Variants in ADAMTS18 observed in about 807,000 individuals in gnomAD.
The protein encoded by ADAMTS18 is A disintegrin and metalloproteinase with thrombospondin motifs 18.
A neutral mutation model predicts 165.9 loss-of-function variants in ADAMTS18; 157 were observed. That is an observed-to-expected ratio of 0.95 (90% CI 0.83 to 1.08). ADAMTS18 has a LOEUF of 1.08. Ranked by LOEUF, ADAMTS18 falls within the 50% of genes least tolerant of loss-of-function variation. The pLI is 0.00. For synonymous variants in ADAMTS18, 782 were observed against 578.2 expected (o/e 1.35, Z -5.06); for missense variants, 2,040 against 1,534.0 (o/e 1.33, Z -5.51).
At position 77,431,351 on chromosome 16, in the gene ADAMTS18, C is replaced by T; in HGVS notation, c.439G>A (p.Gly147Arg). ...GAGGAGCTGTCATTTCTGATAAATC[C>T]CTGATAGAAGCATTGCTGCACCTCG... ...KPEVQQCFYQ[G>R]FIRNDSSSSV... is the part of the protein sequence containing the mutation. The change falls in exon 3 of 23, where the codon GGA becomes AGA. Residue 147 changes from glycine (G) to arginine (R), a missense_variant. Physicochemically the swap from Gly to Arg is moderately radical, Grantham distance 125 (BLOSUM62 -2). Coordinates refer to ENST00000282849, the MANE Select transcript of ADAMTS18 (RefSeq NM_199355.4). 6.2e-7 allele frequency: 1 copy of T among 1,614,074 alleles called. No individual in the cohort carries two copies. The highest frequency in any genetic ancestry group is 8.5e-7 in the Non-Finnish European group (1 of 1,180,022).
chr16:77,293,070 C>A lies in ADAMTS18; in HGVS notation c.3189+6G>T. 6.2e-7 allele frequency: 1 copy of A among 1,614,024 alleles called. No individual in the cohort carries two copies. The highest frequency in any genetic ancestry group is 8.5e-7 in the Non-Finnish European group (1 of 1,179,972). ...TCCTGACCCAGCAGTGACTTCTAAT[C>A]CATACCTCGCTCCACGAAGAAGCGA... On this transcript the variant is annotated splice_donor_region_variant and intron_variant, in intron 20 of 22. Transcript: ENST00000282849.
intron 16 of ADAMTS18, among the ~76,000 whole-genome samples, chr16:77,315,506 C>A (rs1434582711): frequency 6.6e-6 from 1 of 152,188 alleles, no homozygotes; most frequent in African/African-American, 2.4e-5. Context: ...TGTGGGTGTG[C>A]AGGTGCAGGG....
intron 3 of ADAMTS18, among the ~76,000 whole-genome samples, chr16:77,411,552 A>G (rs1398573039): frequency 6.6e-6 from 1 of 152,170 alleles, no homozygotes; most frequent in Non-Finnish European, 1.5e-5. Context: ...GCACATGACT[A>G]AATGTGAAAA....
chr16:77,416,135 T>C (rs1357848023), intron 3 of ADAMTS18, among the ~76,000 whole-genome samples: 1 of 152,076 alleles, frequency 6.6e-6, no homozygotes, highest in Non-Finnish European at 1.5e-5. Flanking sequence ...GGGAAGACCA[T>C]TCTGGAATGA....
At chr16:77,381,399 C>T (rs12600212) in intron 3 of ADAMTS18, among the ~76,000 whole-genome samples, 123,662 of 152,118 alleles carry the variant, frequency 0.81, 50,472 homozygotes, top group East Asian at 0.89. Flanking sequence ...CCTAGCCTCC[C>T]GCCAAGTACC....
intron 3 of ADAMTS18, among the ~76,000 whole-genome samples, chr16:77,381,467 C>A (rs1466535506): frequency 6.6e-6 from 1 of 152,146 alleles, no homozygotes; most frequent in Non-Finnish European, 1.5e-5. Flanking sequence ...CAAGTAAACT[C>A]AGGTCATTCT....
rs544406102 is a variant in ADAMTS18 at position 77,400,421 on chromosome 16, G to T, written c.495+30874C>A. On this transcript the variant is annotated intron_variant, in intron 3 of 22. Transcript: ENST00000282849. The stretch of plus-strand genomic sequence containing the variant: ...CCCAGTGAACATCCTATTTCAGGGG[G>T]AATTGTGTGTGTGTGTGTGTGTGTG... 2.6e-3 allele frequency among the ~76,000 whole-genome samples: 376 copies of T among 143,836 alleles called. 1 individual carries two copies. The highest frequency in any genetic ancestry group is 9.3e-3 in the African/African-American group (357 of 38,290). The allele number at this position is 143,836 out of a possible 152,430, so 94.4% of individuals were successfully genotyped here.
chr16:77,288,841 G>A (rs1226139805), intron 22 of ADAMTS18, among the ~76,000 whole-genome samples: 2 of 152,156 alleles, frequency 1.3e-5, no homozygotes, highest in African/African-American at 2.4e-5. Flanking sequence ...GGCTGGGCAT[G>A]TGGCTTGTGA....
intron 3 of ADAMTS18, among the ~76,000 whole-genome samples, chr16:77,405,823 G>A (rs2057386794): frequency 6.6e-6 from 1 of 152,014 alleles, no homozygotes; most frequent in South Asian, 2.1e-4. Flanking sequence ...TTCTTATAAA[G>A]ACACACTGGT....
chr16:77,397,068 C>A (rs954295343), intron 3 of ADAMTS18, among the ~76,000 whole-genome samples: 1 of 152,168 alleles, frequency 6.6e-6, no homozygotes, highest in Non-Finnish European at 1.5e-5. Flanking sequence ...CTCAGCCTCC[C>A]AAAGTGCTGG....
At position 77,282,897 on chromosome 16, in the gene ADAMTS18, T is replaced by C. The variant is rs1202347134; in HGVS notation, c.*1059A>G. The stretch of plus-strand genomic sequence containing the variant: ...TTTTTATTACCACTGTTTACTCCTT[T>C]CTTTCTCTCTTTTTTTTTTTTTTTT... On this transcript the variant is annotated 3_prime_UTR_variant, in exon 23 of 23. Coordinates refer to ENST00000282849, the MANE Select transcript of ADAMTS18 (RefSeq NM_199355.4). 1.9e-5 allele frequency: 2 copies of C among 103,350 alleles called. No homozygotes were observed. Among genetic ancestry groups the C allele is most frequent in the Admixed American group, 2.1e-4 (2 of 9,516 alleles). 6.4% of individuals were successfully genotyped at this position (103,350 alleles called of 1,614,324 possible). A position where few individuals can be genotyped will look rare whatever the true frequency, so the allele number is the denominator to read the frequency against.
At position 77,291,415 on chromosome 16, in the gene ADAMTS18, G is replaced by T; in HGVS notation, c.3253C>A (p.Gln1085Lys). The part of the protein sequence containing the change: ...REMKCSEKGF[Q>K]GKLITFPERR... Reference sequence around the variant, plus strand: ...TCTGGGAAAGTTATCAGCTTTCCCTGGAAGCCCTTCTCGCTGCACTTCATC... The same window carrying T: ...TCTGGGAAAGTTATCAGCTTTCCCTTGAAGCCCTTCTCGCTGCACTTCATC... Residue 1085 changes from glutamine to lysine, a missense_variant, in exon 21 of 23, where the codon CAG becomes AAG. Gln to Lys is a moderately conservative substitution (Grantham distance 53, BLOSUM62 1). Transcript: ENST00000282849. The T allele has an allele frequency of 6.2e-7, 1 of 1,614,164 alleles. No homozygotes were observed. The highest frequency in any genetic ancestry group is 8.5e-7 in the Non-Finnish European group (1 of 1,180,028).
At chr16:77,432,761 C>T (rs1228067990) in intron 2 of ADAMTS18, among the ~76,000 whole-genome samples, 2 of 134,572 alleles carry the variant, frequency 1.5e-5, no homozygotes, top group East Asian at 2.0e-4. Flanking sequence ...AACCTTCCCC[C>T]TCCTCCAATA....
intron 12 of ADAMTS18, among the ~76,000 whole-genome samples, chr16:77,330,729 A>C (rs1190357089): frequency 6.6e-6 from 1 of 152,240 alleles, no homozygotes; most frequent in Non-Finnish European, 1.5e-5. Context: ...GTCAACAAAA[A>C]AAAACTGGTA....
intron 3 of ADAMTS18, among the ~76,000 whole-genome samples, chr16:77,422,742 G>C (rs1004567345): frequency 1.3e-5 from 2 of 152,116 alleles, no homozygotes; most frequent in Non-Finnish European, 2.9e-5. Context: ...CATAGCCTGA[G>C]ATGAAGTTTT....
intron 14 of ADAMTS18, 90 bp from the exon 15 acceptor site, chr16:77,321,292 A>G: frequency 1.9e-6 from 3 of 1,540,954 alleles, no homozygotes; most frequent in Non-Finnish European, 1.8e-6. Context: ...CTCTGTATTT[A>G]CAGAACATTA....
rs2057771053 is a variant in ADAMTS18, at chr16:77,434,331, C to T, written c.178+87G>A. On this transcript the variant is annotated intron_variant, in intron 2 of 22. Transcript: ENST00000282849. ...CGCACACCTGCCAGGTTAGGGGGTG[C>T]GCTTTTCCATCTTTTCTCTCTTTGG... The T allele has an allele frequency of 3.4e-6, 5 of 1,458,984 alleles. No homozygotes were observed. The Middle Eastern group carries it at 8.5e-4, about 247-fold the overall frequency. The allele number at this position is 1,458,984 out of a possible 1,614,324, so 90.4% of individuals were successfully genotyped here. A position where few individuals can be genotyped will look rare whatever the true frequency, so the allele number is the denominator to read the frequency against.
intron 5 of ADAMTS18, 80 bp from the exon 6 acceptor site, chr16:77,363,965 G>T: frequency 7.3e-7 from 1 of 1,372,002 alleles, no homozygotes; most frequent in Non-Finnish European, 1.0e-6. Context: ...ATTGACTGAA[G>T]TACGCAGGCT....
chr16:77,317,061 G>A (rs978257231), intron 16 of ADAMTS18, among the ~76,000 whole-genome samples: 10 of 152,028 alleles, frequency 6.6e-5, no homozygotes, highest in Non-Finnish European at 1.5e-4. Flanking sequence ...ACCTCACATG[G>A]TAATTCTCAG....
Sources: allele counts gnomAD v4.1 joint callset (sites outside exome capture counted in the v4.1 genomes callset), GRCh38; gene constraint gnomAD v4.1.1; transcripts MANE v1.5; gene names NCBI Gene and HGNC (gene_info 2026-07-23, HGNC 2026-07-21).